Variants in UBE2D1 observed in about 807,000 individuals in gnomAD.
UBE2D1 encodes ubiquitin conjugating enzyme E2 D1.
Under a neutral mutation model 24.6 loss-of-function variants are expected in UBE2D1, and 9 were observed. That is an observed-to-expected ratio of 0.37 (90% CI 0.22 to 0.64). The LOEUF is 0.64. UBE2D1 is among the 30% of genes least tolerant of loss of function. The pLI is 0.64. For synonymous variants in UBE2D1, 57 were observed against 57.6 expected, an observed-to-expected ratio of 0.99 and a Z score of 0.04; for missense variants, 87 against 177.1, an observed-to-expected ratio of 0.49 and a Z score of 2.89.
intron 1 of UBE2D1, among the ~76,000 whole-genome samples, chr10:58,352,164 G>T (rs1288935309): frequency 2.0e-5 from 3 of 151,918 alleles, no homozygotes; most frequent in African/African-American, 7.3e-5. Flanking sequence ...GTAGCTAAAG[G>T]TGAAATAAGT....
At position 58,343,534 on chromosome 10, in the gene UBE2D1, T is replaced by C. The variant is rs180795788; in HGVS notation, c.24+8309T>C. On this transcript the variant is annotated intron_variant, in intron 1 of 6. Coordinates refer to ENST00000373910, the MANE Select transcript of UBE2D1 (RefSeq NM_003338.5). ...AATACATGCCATACAACCATACATA[T>C]ACATGTATACATATATAGGGAGAGC... Among the ~76,000 whole-genome samples the C allele has an allele frequency of 4.6e-3, 698 of 152,314 alleles. 6 individuals are homozygous for C. Among genetic ancestry groups the C allele is most frequent in the Admixed American group, 0.015 (234 of 15,304 alleles).
At chr10:58,359,748 A>G (rs2132328798) in intron 1 of UBE2D1, among the ~76,000 whole-genome samples, 1 of 152,376 alleles carries the variant, frequency 6.6e-6, no homozygotes, top group Admixed American at 6.5e-5. Context: ...GGGGAACATA[A>G]TAACACCTAT....
At chr10:58,358,487 G>T (rs999130984) in intron 1 of UBE2D1, among the ~76,000 whole-genome samples, 1 of 152,154 alleles carries the variant, frequency 6.6e-6, no homozygotes, top group Non-Finnish European at 1.5e-5. Flanking sequence ...TGCTGCTAGA[G>T]AATTGGAAGG....
intron 1 of UBE2D1, among the ~76,000 whole-genome samples, chr10:58,344,226 T>C (rs1839992047): frequency 3.9e-5 from 6 of 152,186 alleles, no homozygotes. Context: ...AATGTGCAAA[T>C]GGCCTTAATA....
intron 5 of UBE2D1, among the ~76,000 whole-genome samples, chr10:58,365,452 T>G (rs1840245762): frequency 6.6e-6 from 1 of 152,260 alleles, no homozygotes; most frequent in African/African-American, 2.4e-5. Context: ...ATAAATGATT[T>G]AAGATGAAAG....
At chr10:58,350,555 G>A (rs200347728) in intron 1 of UBE2D1, among the ~76,000 whole-genome samples, 1 of 151,764 alleles carries the variant, frequency 6.6e-6, no homozygotes, top group African/African-American at 2.4e-5. Context: ...TTTGTGGCTT[G>A]TCTCTTCACA....
chr10:58,363,781 C>A, intron 4 of UBE2D1, 95 bp downstream of exon 4: 1 of 868,536 alleles, frequency 1.2e-6, no homozygotes, highest in Non-Finnish European at 1.7e-6. Context: ...TTTGATATGT[C>A]AAAGACTGTG....
At chr10:58,364,668 A>G (rs1564562589) in intron 4 of UBE2D1, 103 bp from the exon 5 acceptor site, 2 of 735,998 alleles carry the variant, frequency 2.7e-6, no homozygotes, top group South Asian at 3.5e-5. Context: ...CTCTAAAGTT[A>G]TGTAAAGTTG....
At chr10:58,342,564 A>G (rs1398242543) in intron 1 of UBE2D1, among the ~76,000 whole-genome samples, 1 of 152,146 alleles carries the variant, frequency 6.6e-6, no homozygotes, top group Non-Finnish European at 1.5e-5. Flanking sequence ...CTCTTAAACC[A>G]GGAAATCTCT....
At chr10:58,364,205 G>C (rs144897339) in intron 4 of UBE2D1, among the ~76,000 whole-genome samples, 242 of 152,208 alleles carry the variant, frequency 1.6e-3, no homozygotes, top group African/African-American at 5.5e-3. Flanking sequence ...GGATATCAGG[G>C]AGGGGAAAAG....
At chr10:58,340,889 T>G (rs555640881) in intron 1 of UBE2D1, among the ~76,000 whole-genome samples, 37 of 152,174 alleles carry the variant, frequency 2.4e-4, no homozygotes, top group Non-Finnish European at 4.6e-4. Context: ...CTGGAAGACA[T>G]AGAGTCAAAT....
intron 6 of UBE2D1, 67 bp downstream of exon 6, chr10:58,368,083 T>C: frequency 9.0e-7 from 1 of 1,105,584 alleles, no homozygotes; most frequent in Non-Finnish European, 1.4e-6. Context: ...AACACGAATA[T>C]TATCAATATG....
chr10:58,357,026 A>G (rs1188586902), intron 1 of UBE2D1, among the ~76,000 whole-genome samples: 1 of 152,132 alleles, frequency 6.6e-6, no homozygotes, highest in Non-Finnish European at 1.5e-5. Context: ...ATTTCTAGGT[A>G]GTGGTGGAAT....
chr10:58,351,504 T>C (rs946463034), intron 1 of UBE2D1, among the ~76,000 whole-genome samples: 1 of 152,204 alleles, frequency 6.6e-6, no homozygotes, highest in Non-Finnish European at 1.5e-5. Flanking sequence ...TATCACTGTC[T>C]TCCACCTCTA....
intron 5 of UBE2D1, among the ~76,000 whole-genome samples, chr10:58,366,201 A>G (rs1840253538): frequency 6.6e-6 from 1 of 152,244 alleles, no homozygotes; most frequent in Admixed American, 6.5e-5. Flanking sequence ...AGAAATGGCA[A>G]ACTGCCAGAT....
intron 1 of UBE2D1, among the ~76,000 whole-genome samples, chr10:58,358,992 A>G (rs984494380): frequency 3.4e-5 from 5 of 148,784 alleles, no homozygotes; most frequent in East Asian, 1.9e-4. Flanking sequence ...CTTACTAGGA[A>G]GAGAAACCGC....
At chr10:58,350,834 T>C (rs555672169) in intron 1 of UBE2D1, among the ~76,000 whole-genome samples, 1 of 152,300 alleles carries the variant, frequency 6.6e-6, no homozygotes, top group African/African-American at 2.4e-5. Flanking sequence ...CATCATCGAG[T>C]GTACTTACAC....
At chr10:58,354,226 C>T (rs1225505205) in intron 1 of UBE2D1, among the ~76,000 whole-genome samples, 1 of 151,958 alleles carries the variant, frequency 6.6e-6, no homozygotes, top group East Asian at 1.9e-4. Context: ...AAGTAAATTG[C>T]CCAAGGTCAC....
intron 1 of UBE2D1, among the ~76,000 whole-genome samples, chr10:58,336,849 A>G (rs1353776003): frequency 7.9e-5 from 12 of 152,148 alleles, no homozygotes; most frequent in African/African-American, 2.9e-4. Context: ...GTGTTTTTTT[A>G]AGAGATGGGG....
Sources: gnomAD v4.1 joint callset for allele counts (sites outside exome capture counted in the v4.1 genomes callset) on GRCh38, gnomAD v4.1.1 for gene constraint, MANE v1.5 for transcripts, NCBI Gene and HGNC (gene_info 2026-07-23, HGNC 2026-07-21) for gene names.